CPA6: variants seen among roughly 807,000 people sequenced by gnomAD.
CPA6 encodes carboxypeptidase A6.
A neutral mutation model predicts 63.3 loss-of-function variants in CPA6; 58 were observed. The ratio of observed to expected loss-of-function variants is 0.92; its 90% CI spans 0.74 to 1.14. The LOEUF is 1.14. Among genes scored for constraint, CPA6 ranks in the 50% most tolerant of loss-of-function variants. The probability of loss-of-function intolerance (pLI) is 0.00; values close to 1 mark genes in which losing one functional copy is unlikely to be tolerated. For synonymous variants in CPA6, 185 were observed against 179.0 expected, an observed-to-expected ratio of 1.03 and a Z score of -0.27; for missense variants, 565 against 526.6, an observed-to-expected ratio of 1.07 and a Z score of -0.71.
intron 1 of CPA6, among the ~76,000 whole-genome samples, chr8:67,729,685 A>C (rs1202754585): frequency 6.6e-6 from 1 of 152,238 alleles, no homozygotes; most frequent in Non-Finnish European, 1.5e-5. Context: ...GTTTCTATTA[A>C]TGGCAACAAA....
At chr8:67,736,860 G>T (rs1447618470) in intron 1 of CPA6, among the ~76,000 whole-genome samples, 1 of 152,188 alleles carries the variant, frequency 6.6e-6, no homozygotes, top group African/African-American at 2.4e-5. Flanking sequence ...CTGATTCTGA[G>T]ATTCAATTTA....
intron 2 of CPA6, among the ~76,000 whole-genome samples, chr8:67,527,220 G>T (rs1338512677): frequency 7.2e-5 from 11 of 152,102 alleles, no homozygotes; most frequent in African/African-American, 2.7e-4. Context: ...TATTCCATTT[G>T]GTGTTCTCAA....
At chr8:67,498,534 T>C (rs1177772592) in intron 6 of CPA6, among the ~76,000 whole-genome samples, 1 of 44,838 alleles carries the variant, frequency 2.2e-5, no homozygotes, top group Non-Finnish European at 3.5e-5. Context: ...AGACTCCATC[T>C]CAAAAAAAAA....
intron 8 of CPA6, among the ~76,000 whole-genome samples, chr8:67,449,964 C>G (rs1477541708): frequency 2.6e-5 from 4 of 152,014 alleles, no homozygotes; most frequent in Non-Finnish European, 5.9e-5. Context: ...TACAGGTGCA[C>G]ACCACCACGC....
At chr8:67,519,183 TC>T (rs1812211018) in intron 2 of CPA6, among the ~76,000 whole-genome samples, 1 of 152,208 alleles carries the variant, frequency 6.6e-6, no homozygotes, top group African/African-American at 2.4e-5. Context: ...TACTATAGTG[TC>T]CCCAGTGCCT....
intron 2 of CPA6, among the ~76,000 whole-genome samples, chr8:67,623,489 C>CA (rs1429433258): frequency 6.6e-6 from 1 of 151,670 alleles, no homozygotes; most frequent in African/African-American, 2.4e-5. Flanking sequence ...GACCCTGTCT[C>CA]AAAAAAAGAG....
chr8:67,453,331 T>C (rs1810597149), intron 8 of CPA6, among the ~76,000 whole-genome samples: 1 of 152,184 alleles, frequency 6.6e-6, no homozygotes, highest in South Asian at 2.1e-4. Context: ...TGTTAAAGAT[T>C]GATCCATGGG....
At chr8:67,742,557 A>C (rs1056189308) in intron 1 of CPA6, among the ~76,000 whole-genome samples, 2 of 152,172 alleles carry the variant, frequency 1.3e-5, no homozygotes, top group African/African-American at 4.8e-5. Context: ...TCTTAGAATT[A>C]ATGTTTTTAT....
intron 1 of CPA6, among the ~76,000 whole-genome samples, chr8:67,659,197 C>T (rs1006003778): frequency 3.1e-4 from 47 of 152,288 alleles, no homozygotes; most frequent in Non-Finnish European, 6.3e-4. Flanking sequence ...CCTCTTTTCG[C>T]TCTATAAAGG....
At chr8:67,628,572 A>G (rs554162778) in intron 1 of CPA6, among the ~76,000 whole-genome samples, 20 of 152,354 alleles carry the variant, frequency 1.3e-4, no homozygotes, top group African/African-American at 4.6e-4. Context: ...TTTCTTGTGT[A>G]TCACTCTGAA....
chr8:67,565,532 C>T (rs1237095889), intron 2 of CPA6, among the ~76,000 whole-genome samples: 2 of 152,130 alleles, frequency 1.3e-5, no homozygotes, highest in African/African-American at 2.4e-5. Flanking sequence ...ATGACTAGCA[C>T]AAGTCACTAC....
At chr8:67,646,141 G>C (rs1316627150) in intron 1 of CPA6, among the ~76,000 whole-genome samples, 1 of 152,152 alleles carries the variant, frequency 6.6e-6, no homozygotes, top group Non-Finnish European at 1.5e-5. Context: ...CACCATGACA[G>C]GTGACAAACA....
chr8:67,497,736 C>G (rs10089604), intron 6 of CPA6, among the ~76,000 whole-genome samples: 151,850 of 151,852 alleles, frequency 1, 75,924 homozygotes, highest in Non-Finnish European at 1. Flanking sequence ...CTGTTGCCCA[C>G]GCTGGAGTGC....
chr8:67,702,469 G>A (rs1340978089), intron 1 of CPA6, among the ~76,000 whole-genome samples: 1 of 152,136 alleles, frequency 6.6e-6, no homozygotes, highest in Non-Finnish European at 1.5e-5. Flanking sequence ...TGGTCAGGTG[G>A]TGGTTAAAAA....
chr8:67,427,273 G>A (rs963777430), intron 10 of CPA6, among the ~76,000 whole-genome samples: 2 of 152,128 alleles, frequency 1.3e-5, no homozygotes, highest in Admixed American at 1.3e-4. Flanking sequence ...GACTCCCCTA[G>A]AAAATTTGCT....
At chr8:67,453,451 T>C (rs549562907) in intron 8 of CPA6, among the ~76,000 whole-genome samples, 2 of 152,178 alleles carry the variant, frequency 1.3e-5, no homozygotes, top group South Asian at 4.1e-4. Flanking sequence ...TTCTGGATAT[T>C]TTGAGTTGAG....
Position 67,517,192 on chromosome 8 carries a change from A to G in CPA6, c.317+731T>C, listed in dbSNP as rs149626073. 8.2e-3 allele frequency among the ~76,000 whole-genome samples: 1,251 copies of G among 152,248 alleles called. 18 individuals are homozygous for G. Among genetic ancestry groups the G allele is most frequent in the African/African-American group, 0.029 (1,199 of 41,516 alleles). ...TCTAGTTTGTCTACTCAGTTACCCAAGCTAGAAAACTTGGAGTCATCCTTT... is the reference window on the plus strand; with the variant it reads ...TCTAGTTTGTCTACTCAGTTACCCAGGCTAGAAAACTTGGAGTCATCCTTT... On this transcript the variant is annotated intron_variant, in intron 3 of 10. Coordinates refer to ENST00000297770, the MANE Select transcript of CPA6 (RefSeq NM_020361.5).
At chr8:67,704,711 G>GT (rs1055687695) in intron 1 of CPA6, among the ~76,000 whole-genome samples, 2 of 152,214 alleles carry the variant, frequency 1.3e-5, no homozygotes, top group African/African-American at 4.8e-5. Context: ...AAGGTACACG[G>GT]TAAGACTGGT....
intron 2 of CPA6, among the ~76,000 whole-genome samples, chr8:67,584,725 A>G (rs923474527): frequency 6.6e-6 from 1 of 152,126 alleles, no homozygotes; most frequent in African/African-American, 2.4e-5. Flanking sequence ...TCAGGGATGA[A>G]GGCTGAATTG....
Sources: allele counts gnomAD v4.1 joint callset (sites outside exome capture counted in the v4.1 genomes callset), GRCh38; gene constraint gnomAD v4.1.1; transcripts MANE v1.5; gene names NCBI Gene and HGNC (gene_info 2026-07-23, HGNC 2026-07-21).